GALNT17: variants seen among roughly 807,000 people sequenced by gnomAD.
The protein encoded by GALNT17 is polypeptide N-acetylgalactosaminyltransferase 17.
Under a neutral mutation model 63.7 loss-of-function variants are expected in GALNT17, and 29 were observed. That is an observed-to-expected ratio of 0.46 (90% CI 0.34 to 0.62). The LOEUF (loss-of-function observed/expected upper bound fraction) is 0.62, where lower values mean the gene tolerates loss of function less well. Among genes scored for constraint, GALNT17 ranks in the 20% least tolerant of loss-of-function variants. The pLI is 0.01. For missense variants in GALNT17, 603 were observed against 799.6 expected, an observed-to-expected ratio of 0.75 and a Z score of 2.97; for synonymous variants, 305 against 318.3, an observed-to-expected ratio of 0.96 and a Z score of 0.45.
chr7:71,309,780 G>A (rs1029421056), intron 1 of GALNT17, among the ~76,000 whole-genome samples: 6 of 152,094 alleles, frequency 3.9e-5, no homozygotes, highest in African/African-American at 1.2e-4. Context: ...GATGTTTAGC[G>A]CATTTGCCAG....
intron 5 of GALNT17, among the ~76,000 whole-genome samples, chr7:71,498,345 T>G (rs1788128840): frequency 6.6e-6 from 1 of 151,916 alleles, no homozygotes; most frequent in South Asian, 2.1e-4. Flanking sequence ...GGTCTGGCGG[T>G]TCACGTCTGT....
intron 5 of GALNT17, among the ~76,000 whole-genome samples, chr7:71,557,190 T>TAAAGAAA (rs1789179606): frequency 6.6e-6 from 1 of 151,970 alleles, no homozygotes; most frequent in Non-Finnish European, 1.5e-5. Context: ...CCACATCTGG[T>TAAAGAAA]ATTAATTACT....
At position 71,559,365 on chromosome 7, in the gene GALNT17, G is replaced by C. The variant is rs181468832; in HGVS notation, c.963-11920G>C. 1.3e-4 allele frequency among the ~76,000 whole-genome samples: 20 copies of C among 152,298 alleles called. No homozygotes were observed. In the East Asian group the frequency reaches 3.9e-3, roughly 29 times the overall value. ...ATTTCACCCAGTGCAAGAGCTCTTA[G>C]CTGCTGCCAGTGTGAGATGATCTGG... On this transcript the variant is annotated intron_variant, in intron 5 of 10. Coordinates refer to ENST00000333538, the MANE Select transcript of GALNT17 (RefSeq NM_022479.3).
intron 1 of GALNT17, among the ~76,000 whole-genome samples, chr7:71,278,941 A>G (rs183777432): frequency 1.4e-5 from 2 of 147,182 alleles, no homozygotes; most frequent in East Asian, 4.0e-4. Context: ...TTTTTTTTTT[A>G]ATTGAGATGG....
intron 5 of GALNT17, among the ~76,000 whole-genome samples, chr7:71,455,506 GT>G (rs59094741): frequency 0.52 from 76,946 of 146,846 alleles, 21,710 homozygotes; most frequent in Non-Finnish European, 0.65. Flanking sequence ...TTTTGTTTTT[GT>G]TTTTTTTTTT....
intron 1 of GALNT17, among the ~76,000 whole-genome samples, chr7:71,250,867 A>G (rs1351378743): frequency 6.6e-6 from 1 of 152,198 alleles, no homozygotes; most frequent in Admixed American, 6.5e-5. Context: ...TTCTGTCTTC[A>G]AGTTGTCACC....
At chr7:71,600,891 G>T (rs764420325) in intron 6 of GALNT17, among the ~76,000 whole-genome samples, 1 of 151,876 alleles carries the variant, frequency 6.6e-6, no homozygotes, top group Non-Finnish European at 1.5e-5. Flanking sequence ...CACCATATTT[G>T]TTGTCTTTAT....
At chr7:71,514,579 A>G (rs1437766741) in intron 5 of GALNT17, among the ~76,000 whole-genome samples, 1 of 152,080 alleles carries the variant, frequency 6.6e-6, no homozygotes, top group East Asian at 1.9e-4. Flanking sequence ...TTTGGTAAAA[A>G]TCTCCTAACG....
At chr7:71,622,681 G>T (rs1164061052) in intron 6 of GALNT17, among the ~76,000 whole-genome samples, 1 of 152,146 alleles carries the variant, frequency 6.6e-6, no homozygotes, top group African/African-American at 2.4e-5. Flanking sequence ...CTGTTTGTAG[G>T]CTGAGAGACT....
chr7:71,232,089 T>C (rs1303378319), intron 1 of GALNT17, among the ~76,000 whole-genome samples: 1 of 152,162 alleles, frequency 6.6e-6, no homozygotes, highest in African/African-American at 2.4e-5. Context: ...GATTGCTACA[T>C]AGACCAGCGA....
At chr7:71,134,835 G>GTTTTTTTTTTTTTTTTTTTTTTT (rs561383417) in intron 1 of GALNT17, among the ~76,000 whole-genome samples, 1 of 57,888 alleles carries the variant, frequency 1.7e-5, no homozygotes, top group African/African-American at 7.2e-5. Context: ...TTGTTTTATG[G>GTTTTTTTTTTTTTTTTTTTTTTT]TTTTTTTTTT....
chr7:71,605,748 G>T (rs1010241615), intron 6 of GALNT17, among the ~76,000 whole-genome samples: 3 of 152,292 alleles, frequency 2.0e-5, no homozygotes, highest in African/African-American at 7.2e-5. Context: ...AATGAATTTT[G>T]ACTCTGATGG....
chr7:71,368,748 A>G (rs922051509), intron 2 of GALNT17, among the ~76,000 whole-genome samples: 1 of 152,186 alleles, frequency 6.6e-6, no homozygotes, highest in East Asian at 1.9e-4. Flanking sequence ...CAAATGTCAC[A>G]GTTAAGCTAA....
At chr7:71,197,492 G>A (rs1348323350) in intron 1 of GALNT17, among the ~76,000 whole-genome samples, 1 of 151,868 alleles carries the variant, frequency 6.6e-6, no homozygotes, top group Non-Finnish European at 1.5e-5. Context: ...ACAGGCATGA[G>A]ACACCGCGCC....
chr7:71,548,674 G>A (rs2116824852), intron 5 of GALNT17, among the ~76,000 whole-genome samples: 1 of 152,330 alleles, frequency 6.6e-6, no homozygotes, highest in Admixed American at 6.5e-5. Flanking sequence ...CCCCAGCCAT[G>A]TGGAACTGTG....
chr7:71,347,060 A>G (rs1309022921), intron 2 of GALNT17, among the ~76,000 whole-genome samples: 1 of 152,164 alleles, frequency 6.6e-6, no homozygotes, highest in African/African-American at 2.4e-5. Context: ...TCACGCAGCA[A>G]TGGGATGGAA....
At chr7:71,551,116 A>C (rs1052038341) in intron 5 of GALNT17, among the ~76,000 whole-genome samples, 6 of 151,922 alleles carry the variant, frequency 3.9e-5, no homozygotes. Context: ...TGTATTATTT[A>C]TGTTGCCTAC....
At chr7:71,452,751 A>G (rs552205483) in intron 5 of GALNT17, among the ~76,000 whole-genome samples, 1 of 152,312 alleles carries the variant, frequency 6.6e-6, no homozygotes, top group African/African-American at 2.4e-5. Flanking sequence ...TTTCTAGTGC[A>G]GTATCTGATA....
At chr7:71,673,029 A>G (rs1324205559) in intron 8 of GALNT17, among the ~76,000 whole-genome samples, 1 of 152,196 alleles carries the variant, frequency 6.6e-6, no homozygotes, top group African/African-American at 2.4e-5. Context: ...CAAATGAACA[A>G]AGATTCATTT....
Sources: allele counts gnomAD v4.1 joint callset (sites outside exome capture counted in the v4.1 genomes callset), GRCh38; gene constraint gnomAD v4.1.1; transcripts MANE v1.5; gene names NCBI Gene and HGNC (gene_info 2026-07-23, HGNC 2026-07-21).